Variants in PDE3B observed in about 807,000 individuals in gnomAD.
The protein encoded by PDE3B is cGMP-inhibited 3',5'-cyclic phosphodiesterase 3B.
In PDE3B, 66 loss-of-function variants were observed where a neutral mutation model predicts 116.8. That is an observed-to-expected ratio of 0.56 (90% CI 0.46 to 0.69). The LOEUF is 0.69. Ranked by LOEUF, PDE3B falls within the 30% of genes least tolerant of loss-of-function variation. The pLI is 0.00. For synonymous variants in PDE3B, 595 were observed against 533.6 expected, an observed-to-expected ratio of 1.12 and a Z score of -1.59; for missense variants, 1,384 against 1,368.1, an observed-to-expected ratio of 1.01 and a Z score of -0.18.
At chr11:14,844,679 A>G (rs1391656791) in intron 12 of PDE3B, among the ~76,000 whole-genome samples, 1 of 152,184 alleles carries the variant, frequency 6.6e-6, no homozygotes, top group Non-Finnish European at 1.5e-5. Flanking sequence ...GCACCAGGAG[A>G]TTACATCCCG....
chr11:14,873,952 C>T (rs1848167664), downstream of PDE3B, among the ~76,000 whole-genome samples: 2 of 152,040 alleles, frequency 1.3e-5, no homozygotes, highest in African/African-American at 4.8e-5. Context: ...TTTGGGAGGC[C>T]GAGGAGGGTG....
At chr11:14,840,681 A>T (rs1860194368) in intron 11 of PDE3B, among the ~76,000 whole-genome samples, 1 of 152,210 alleles carries the variant, frequency 6.6e-6, no homozygotes, top group East Asian at 1.9e-4. Context: ...GCATTGTAGG[A>T]TCACTCAAAG....
intron 1 of PDE3B, among the ~76,000 whole-genome samples, chr11:14,655,205 A>G (rs1853680917): frequency 6.6e-6 from 1 of 152,332 alleles, no homozygotes; most frequent in East Asian, 1.9e-4. Flanking sequence ...TTAATATCAG[A>G]AAAACTGGGA....
chr11:14,730,046 C>T (rs924924254), intron 1 of PDE3B, among the ~76,000 whole-genome samples: 12 of 152,286 alleles, frequency 7.9e-5, no homozygotes, highest in African/African-American at 2.9e-4. Context: ...CACAGCACAT[C>T]AGTCTGGTGA....
intron 1 of PDE3B, among the ~76,000 whole-genome samples, chr11:14,701,899 G>A (rs1441063906): frequency 6.6e-6 from 1 of 151,168 alleles, no homozygotes; most frequent in Non-Finnish European, 1.5e-5. Flanking sequence ...CACAAGTTTT[G>A]TGATGCTGTG....
downstream of PDE3B, among the ~76,000 whole-genome samples, chr11:14,876,954 T>G (rs1282278822): frequency 6.6e-6 from 1 of 152,168 alleles, no homozygotes; most frequent in East Asian, 1.9e-4. Flanking sequence ...TGCAAACTCC[T>G]GATGTATAAC....
intron 12 of PDE3B, among the ~76,000 whole-genome samples, chr11:14,851,184 T>TTTA (rs1847742704): frequency 6.6e-6 from 1 of 152,022 alleles, no homozygotes; most frequent in East Asian, 1.9e-4. Flanking sequence ...TTTTGTGTGG[T>TTTA]AGCTGGGTTT....
rs745608428 is a variant in PDE3B at position 14,689,662 on chromosome 11, G to A, written c.978+44609G>A. On this transcript the variant is annotated intron_variant, in intron 1 of 15. Transcript: ENST00000282096. Reference sequence around the variant, plus strand: ...TTAGGAGAAAGACAAGGACTGTGGGGGAAGTACCTATGTTTGGTGATTGGC... The same window carrying A: ...TTAGGAGAAAGACAAGGACTGTGGGAGAAGTACCTATGTTTGGTGATTGGC... 1.1e-3 allele frequency among the ~76,000 whole-genome samples: 167 copies of A among 152,266 alleles called. 1 individual carries two copies. Among genetic ancestry groups the A allele is most frequent in the Non-Finnish European group, 2.2e-3 (148 of 68,012 alleles).
At chr11:14,708,111 GA>G (rs1224553495) in intron 1 of PDE3B, among the ~76,000 whole-genome samples, 1 of 152,104 alleles carries the variant, frequency 6.6e-6, no homozygotes, top group African/African-American at 2.4e-5. Flanking sequence ...TCATAGGGAT[GA>G]GTCCCTCACA....
At chr11:14,679,469 C>T (rs555354925) in intron 1 of PDE3B, among the ~76,000 whole-genome samples, 18 of 152,242 alleles carry the variant, frequency 1.2e-4, no homozygotes, top group East Asian at 1.9e-4. Flanking sequence ...AGAACCTAGA[C>T]GCCCTCCACC....
chr11:14,807,284 CAAT>C (rs931254315), intron 5 of PDE3B, among the ~76,000 whole-genome samples: 1 of 151,952 alleles, frequency 6.6e-6, no homozygotes, highest in Non-Finnish European at 1.5e-5. Context: ...TGGGTAAACA[CAAT>C]AATAACTTTC....
At chr11:14,768,505 T>C (rs1486586526) in intron 1 of PDE3B, among the ~76,000 whole-genome samples, 1 of 151,604 alleles carries the variant, frequency 6.6e-6, no homozygotes, top group Non-Finnish European at 1.5e-5. Flanking sequence ...TTGTTCAACA[T>C]TATGTTTCTG....
intron 1 of PDE3B, chr11:14,698,961 T>A (rs1855288798): frequency 6.6e-6 from 1 of 151,930 alleles, no homozygotes; most frequent in African/African-American, 2.4e-5. Context: ...CAGAAGTTGT[T>A]CTTTTGGAAA....
At chr11:14,783,152 C>T (rs1271323710) in intron 2 of PDE3B, among the ~76,000 whole-genome samples, 1 of 152,212 alleles carries the variant, frequency 6.6e-6, no homozygotes, top group African/African-American at 2.4e-5. Flanking sequence ...CACTTTTACA[C>T]TGTTGGTGGG....
In PDE3B at chr11:14,730,562, C is replaced by T. The variant is rs528512571; in HGVS notation, c.979-41375C>T. Among the ~76,000 whole-genome samples the T allele has an allele frequency of 2.4e-4, 37 of 152,268 alleles. 1 individual carries two copies. Among genetic ancestry groups the T allele is most frequent in the East Asian group, 7.7e-4 (4 of 5,188 alleles). On this transcript the variant is annotated intron_variant, in intron 1 of 15. Transcript: ENST00000282096. ...ACTTGGTTGGACACATGATATTACTCTGGATGTTCTTAGACGTTTCAGGCC... is the reference window on the plus strand; with the variant it reads ...ACTTGGTTGGACACATGATATTACTTTGGATGTTCTTAGACGTTTCAGGCC...
At chr11:14,846,219 A>T (rs1293280527) in intron 12 of PDE3B, among the ~76,000 whole-genome samples, 9 of 152,154 alleles carry the variant, frequency 5.9e-5, no homozygotes, top group Admixed American at 4.6e-4. Flanking sequence ...TCAACCCAGA[A>T]TTTCATATCC....
chr11:14,788,615 A>C (rs546694260), intron 3 of PDE3B, among the ~76,000 whole-genome samples: 1 of 152,110 alleles, frequency 6.6e-6, no homozygotes, highest in East Asian at 1.9e-4. Context: ...CAAAATATTA[A>C]TGCTAAAGGT....
intron 1 of PDE3B, among the ~76,000 whole-genome samples, chr11:14,718,961 C>CA (rs1341807742): frequency 4.4e-5 from 4 of 90,260 alleles, no homozygotes; most frequent in East Asian, 6.4e-4. Flanking sequence ...AAAAACCCTT[C>CA]AAAAAATCAA....
At chr11:14,839,583 T>G (rs1860159498) in intron 11 of PDE3B, among the ~76,000 whole-genome samples, 1 of 152,220 alleles carries the variant, frequency 6.6e-6, no homozygotes. Context: ...TTGTGATATT[T>G]GGCACAGAGC....
Sources: gnomAD v4.1 joint callset for allele counts (sites outside exome capture counted in the v4.1 genomes callset) on GRCh38, gnomAD v4.1.1 for gene constraint, MANE v1.5 for transcripts, NCBI Gene and HGNC (gene_info 2026-07-23, HGNC 2026-07-21) for gene names.